The following NRROS variants were observed in gnomAD, a reference collection of about 807,000 sequenced individuals.
The protein encoded by NRROS is negative regulator of reactive oxygen species.
Under a neutral mutation model 12.0 loss-of-function variants are expected in NRROS, and 6 were observed. The observed-to-expected ratio is 0.50, with a 90% confidence interval of 0.27 to 0.98. NRROS has a LOEUF of 0.98. Ranked by LOEUF, NRROS falls within the 50% of genes least tolerant of loss-of-function variation. The pLI, the probability that NRROS is intolerant of heterozygous loss-of-function variation, is 0.11. For synonymous variants in NRROS, 462 were observed against 410.2 expected (o/e 1.13, Z -1.53); for missense variants, 857 against 888.2 (o/e 0.96, Z 0.45).
At chr3:196,646,781 T>C (rs4916535) in intron 1 of NRROS, among the ~76,000 whole-genome samples, 8,357 of 152,168 alleles carry the variant, frequency 0.055, 308 homozygotes, top group Admixed American at 0.082. Context: ...CGAGCCCCGG[T>C]ACAGCGCAGG....
intron 1 of NRROS, among the ~76,000 whole-genome samples, chr3:196,652,114 T>C (rs369746118): frequency 9.8e-5 from 15 of 152,332 alleles, no homozygotes; most frequent in African/African-American, 3.6e-4. Context: ...TCATCTGTGC[T>C]CAGGGCTAGC....
intron 1 of NRROS, among the ~76,000 whole-genome samples, chr3:196,651,743 G>T (rs901576070): frequency 6.6e-6 from 1 of 152,152 alleles, no homozygotes; most frequent in Non-Finnish European, 1.5e-5. Context: ...TCCAACCTGG[G>T]CAACAAGAGC....
intron 1 of NRROS, among the ~76,000 whole-genome samples, chr3:196,645,300 G>C (rs1016126731): frequency 1.1e-4 from 16 of 152,146 alleles, no homozygotes; most frequent in African/African-American, 3.9e-4. Flanking sequence ...GGGCATGCGT[G>C]ATTTAGTCAA....
intron 1 of NRROS, among the ~76,000 whole-genome samples, chr3:196,649,674 T>G (rs891396608): frequency 6.6e-6 from 1 of 152,080 alleles, no homozygotes; most frequent in Non-Finnish European, 1.5e-5. Flanking sequence ...GGTTTCACTG[T>G]GTTAGCCAGG....
At position 196,656,721 on chromosome 3, in the gene NRROS, C is replaced by A. The variant is rs184252388; in HGVS notation, c.108+2074C>A. ...CACAGGAAGAGGAGAGATAAATGAACAGCCTTTCAGAGTTCAGGCAAGGCC... is the reference window on the plus strand; with the variant it reads ...CACAGGAAGAGGAGAGATAAATGAAAAGCCTTTCAGAGTTCAGGCAAGGCC... On this transcript the variant is annotated intron_variant, in intron 2 of 2. Transcript: ENST00000328557. Among the ~76,000 whole-genome samples the A allele has an allele frequency of 3.4e-3, 518 of 152,276 alleles. 12 individuals carry two copies. The South Asian group carries it at 0.049, about 14-fold the overall frequency.
rs754374387 is a variant in NRROS at position 196,659,850 on chromosome 3, C to G, written c.207C>G (p.Leu69=). The G allele has an allele frequency of 1.9e-6, 3 of 1,614,110 alleles. No individual in the cohort carries two copies. The South Asian group carries it at 3.3e-5, about 18-fold the overall frequency. The change falls in exon 3 of 3, where the codon CTC becomes CTG. Residue 69 remains leucine, a synonymous_variant. Coordinates refer to ENST00000328557, the MANE Select transcript of NRROS (RefSeq NM_198565.3). ...ARMLTLDANP[L]KTLWNHSLQP... is the part of the protein sequence containing the mutation. ...TGCTCACCCTGGATGCCAACCCTCT[C>G]AAGACCCTGTGGAATCACTCCCTCC...
At chr3:196,641,481 C>CT (rs140502852) in intron 1 of NRROS, among the ~76,000 whole-genome samples, 3,837 of 152,270 alleles carry the variant, frequency 0.025, 168 homozygotes, top group African/African-American at 0.087. Context: ...TCCCAAAGTG[C>CT]TGGGAGTGTG....
chr3:196,652,598 T>C (rs111937634), intron 1 of NRROS, among the ~76,000 whole-genome samples: 2 of 152,346 alleles, frequency 1.3e-5, no homozygotes, highest in African/African-American at 4.8e-5. Context: ...AAGAGTTTTT[T>C]TCTGGGCTGG....
rs780929659 is a variant in NRROS at position 196,659,903 on chromosome 3, G to C, written c.260G>C (p.Ser87Thr). Residue 87 changes from serine (S) to threonine (T), a missense_variant, in exon 3 of 3, where the codon AGC becomes ACC. Ser to Thr is a moderately conservative substitution (Grantham distance 58, BLOSUM62 1). Transcript: ENST00000328557. The stretch of plus-strand genomic sequence containing the variant: ...CCTTACCCTCTCCTGGAGAGCCTCA[G>C]CCTGCACAGCTGCCACCTGGAGCGC... ...LQPYPLLESL[S>T]LHSCHLERIS... The C allele has an allele frequency of 5.0e-6, 8 of 1,613,988 alleles. No individual in the cohort carries two copies. Among genetic ancestry groups the C allele is most frequent in the Non-Finnish European group, 6.8e-6 (8 of 1,180,002 alleles).
At chr3:196,657,897 A>G (rs1737572983) in intron 2 of NRROS, among the ~76,000 whole-genome samples, 1 of 152,202 alleles carries the variant, frequency 6.6e-6, no homozygotes, top group South Asian at 2.1e-4. Context: ...CATCCTAATA[A>G]TTATAGCTCA....
At position 196,661,362 on chromosome 3, in the gene NRROS, T is replaced by C. The variant is rs769650314; in HGVS notation, c.1719T>C (p.Leu573=). The change falls in exon 3 of 3, where the codon CTT becomes CTC. Residue 573 remains leucine (L), a synonymous_variant. Transcript: ENST00000328557. ...TCCGTAGAAACTCGCTCACAGCCCTTCCCCAGAAGGCTGTGTCTGAGCAGC... is the reference window on the plus strand; with the variant it reads ...TCCGTAGAAACTCGCTCACAGCCCTCCCCCAGAAGGCTGTGTCTGAGCAGC... ...LDLRRNSLTA[L]PQKAVSEQLS... 1 of 1,575,748 alleles carries C rather than the reference T, an allele frequency of 6.3e-7. No individual in the cohort carries two copies. Among genetic ancestry groups the C allele is most frequent in the East Asian group, 2.2e-5 (1 of 44,544 alleles).
chr3:196,649,613 AG>A lies in NRROS; in HGVS notation c.-13-4912del, dbSNP rs1467312454. Among the ~76,000 whole-genome samples, 6 of 152,214 alleles carry A rather than the reference AG, an allele frequency of 3.9e-5. No individual in the cohort carries two copies. The East Asian group carries it at 9.7e-4, about 25-fold the overall frequency. On this transcript the variant is annotated intron_variant, in intron 1 of 2. Transcript: ENST00000328557. ...CAGCCTCCCGAGTAGCTGGGACTAC[AG>A]GCGCCCGCCACCGCGCCCGGCTAAT...
intron 1 of NRROS, among the ~76,000 whole-genome samples, chr3:196,649,095 G>A (rs980561746): frequency 3.3e-5 from 5 of 152,196 alleles, no homozygotes; most frequent in African/African-American, 1.2e-4. Flanking sequence ...GGGGTGTTGA[G>A]TTTGGACATT....
rs115807911 is a variant in NRROS at position 196,643,325 on chromosome 3, C to G, written c.-14+3450C>G. Among the ~76,000 whole-genome samples, 1,121 of 152,198 alleles carry G rather than the reference C, an allele frequency of 7.4e-3. 24 individuals are homozygous for G. The highest frequency in any genetic ancestry group is 0.026 in the African/African-American group (1,059 of 41,514). On this transcript the variant is annotated intron_variant, in intron 1 of 2. Coordinates refer to ENST00000328557, the MANE Select transcript of NRROS (RefSeq NM_198565.3). ...AATGCCTGAGGGATTTCAGAGTGAA[C>G]AGAGTGAAGAAAGGAGGAAGTGGAA...
chr3:196,657,488 A>G (rs9325375), intron 2 of NRROS, among the ~76,000 whole-genome samples: 103,205 of 151,872 alleles, frequency 0.68, 35,171 homozygotes, highest in East Asian at 0.73. Flanking sequence ...TGGGGAGGCC[A>G]AGGCAGGTGG....
At chr3:196,651,600 C>G (rs1274450054) in intron 1 of NRROS, among the ~76,000 whole-genome samples, 1 of 152,128 alleles carries the variant, frequency 6.6e-6, no homozygotes, top group Non-Finnish European at 1.5e-5. Flanking sequence ...AACCTCATCT[C>G]TACTAAAAAT....
intron 1 of NRROS, among the ~76,000 whole-genome samples, chr3:196,649,688 G>A (rs1380318735): frequency 1.3e-5 from 2 of 152,116 alleles, no homozygotes; most frequent in African/African-American, 4.8e-5. Flanking sequence ...AGCCAGGATG[G>A]TCTCGATCTC....
intron 1 of NRROS, among the ~76,000 whole-genome samples, chr3:196,653,402 A>C (rs1478453628): frequency 6.6e-6 from 1 of 152,228 alleles, no homozygotes; most frequent in Non-Finnish European, 1.5e-5. Flanking sequence ...GAAGAAAGGA[A>C]AGAGGAGGCC....
intron 1 of NRROS, among the ~76,000 whole-genome samples, chr3:196,644,390 C>G (rs893454251): frequency 1.4e-5 from 2 of 146,922 alleles, no homozygotes; most frequent in Non-Finnish European, 3.0e-5. Flanking sequence ...CAGAGTGAGA[C>G]CCCGTCTCAA....
Sources: allele counts gnomAD v4.1 joint callset (sites outside exome capture counted in the v4.1 genomes callset), GRCh38; gene constraint gnomAD v4.1.1; transcripts MANE v1.5; gene names NCBI Gene and HGNC (gene_info 2026-07-23, HGNC 2026-07-21).